The following MYRIP variants were observed in gnomAD, a reference collection of about 807,000 sequenced individuals.
The protein encoded by MYRIP is rab effector MyRIP.
Under a neutral mutation model 98.0 loss-of-function variants are expected in MYRIP, and 49 were observed. That is an observed-to-expected ratio of 0.50 (90% CI 0.40 to 0.63). The LOEUF is 0.63. Among genes scored for constraint, MYRIP ranks in the 30% least tolerant of loss-of-function variants. The pLI, the probability that MYRIP is intolerant of heterozygous loss-of-function variation, is 0.00. For missense variants in MYRIP, 1,004 were observed against 1,058.2 expected (o/e 0.95, Z 0.71); for synonymous variants, 404 against 409.5 (o/e 0.99, Z 0.16).
At chr3:40,050,238 C>A (rs1458833684) in intron 3 of MYRIP, among the ~76,000 whole-genome samples, 1 of 152,156 alleles carries the variant, frequency 6.6e-6, no homozygotes, top group Non-Finnish European at 1.5e-5. Flanking sequence ...CAATACCTGG[C>A]TTCAAAGAAC....
chr3:39,928,408 C>T (rs1944465566), intron 2 of MYRIP, among the ~76,000 whole-genome samples: 1 of 151,590 alleles, frequency 6.6e-6, no homozygotes, highest in Non-Finnish European at 1.5e-5. Flanking sequence ...CAATATACCT[C>T]CTGCATATAG....
intron 1 of MYRIP, among the ~76,000 whole-genome samples, chr3:39,899,198 A>T (rs1943686562): frequency 6.6e-6 from 1 of 152,196 alleles, no homozygotes; most frequent in Non-Finnish European, 1.5e-5. Flanking sequence ...ATCTAAAAAA[A>T]AATAATACTT....
At chr3:40,206,362 A>G (rs950202181) in intron 10 of MYRIP, among the ~76,000 whole-genome samples, 5 of 152,174 alleles carry the variant, frequency 3.3e-5, no homozygotes, top group African/African-American at 1.2e-4. Flanking sequence ...GCTTTTAATA[A>G]TGGTGCTTCC....
intron 2 of MYRIP, among the ~76,000 whole-genome samples, chr3:39,908,826 G>A (rs1433373606): frequency 6.6e-6 from 1 of 152,230 alleles, no homozygotes; most frequent in African/African-American, 2.4e-5. Flanking sequence ...GAAGCTGGAA[G>A]ACAGATCACC....
chr3:40,077,032 C>T (rs1015489911), intron 3 of MYRIP, among the ~76,000 whole-genome samples: 4 of 152,034 alleles, frequency 2.6e-5, no homozygotes, highest in Admixed American at 2.6e-4. Context: ...AAGCCGTGGA[C>T]CCTTGCGGTG....
rs1953670489 is a variant in MYRIP, at chr3:40,258,459, GTT to G, written c.*295_*296del. ...CATGTTTAAGATACATATTTTCCCTGTTTGCTTTGCTACTGTATGTTGACTTT... is the reference window on the plus strand; with the variant it reads ...CATGTTTAAGATACATATTTTCCCTGTGCTTTGCTACTGTATGTTGACTTT... On this transcript the variant is annotated 3_prime_UTR_variant, in exon 17 of 17. Coordinates refer to ENST00000302541, the MANE Select transcript of MYRIP (RefSeq NM_015460.4). 3 of 380,720 alleles carry G rather than the reference GTT, an allele frequency of 7.9e-6. No homozygotes were observed. Among genetic ancestry groups the G allele is most frequent in the Non-Finnish European group, 9.6e-6 (2 of 209,058 alleles). 23.6% of individuals were successfully genotyped at this position (380,720 alleles called of 1,614,324 possible).
chr3:40,124,369 T>C (rs1949475211), intron 3 of MYRIP, among the ~76,000 whole-genome samples: 1 of 152,216 alleles, frequency 6.6e-6, no homozygotes, highest in Admixed American at 6.5e-5. Context: ...TGTTAGGATC[T>C]TTTCATCTTT....
chr3:40,185,082 T>A (rs1486733830), intron 9 of MYRIP, among the ~76,000 whole-genome samples: 1 of 152,160 alleles, frequency 6.6e-6, no homozygotes, highest in African/African-American at 2.4e-5. Flanking sequence ...GGCAGAAACA[T>A]CAAATAGAAG....
intron 2 of MYRIP, among the ~76,000 whole-genome samples, chr3:40,001,616 T>C (rs1256812069): frequency 1.3e-5 from 2 of 152,288 alleles, no homozygotes; most frequent in African/African-American, 2.4e-5. Flanking sequence ...TCAAAGCACC[T>C]CTGAGTGTTA....
At chr3:40,213,932 T>G (rs1485907952) in intron 11 of MYRIP, among the ~76,000 whole-genome samples, 1 of 152,182 alleles carries the variant, frequency 6.6e-6, no homozygotes, top group Non-Finnish European at 1.5e-5. Flanking sequence ...GCTTGAGCCA[T>G]GCACTGACTG....
In MYRIP at chr3:40,115,502, C is replaced by A. The variant is rs548503664; in HGVS notation, c.333-35546C>A. On this transcript the variant is annotated intron_variant, in intron 3 of 16. Transcript: ENST00000302541. ...GAGAACTCACTCACTATCACAAGAACAGCATGCAGGAAACCACTCCCATGA... is the reference window on the plus strand; with the variant it reads ...GAGAACTCACTCACTATCACAAGAAAAGCATGCAGGAAACCACTCCCATGA... Among the ~76,000 whole-genome samples, 177 of 152,220 alleles carry A rather than the reference C, an allele frequency of 1.2e-3. 2 individuals are homozygous for A. The South Asian group carries it at 0.034, about 30-fold the overall frequency.
intron 2 of MYRIP, among the ~76,000 whole-genome samples, chr3:39,975,256 GACAA>G (rs1205228143): frequency 1.3e-5 from 2 of 152,068 alleles, no homozygotes; most frequent in East Asian, 1.9e-4. Flanking sequence ...ACCAATAACA[GACAA>G]ACAGAGAGCC....
At chr3:39,939,271 CT>C (rs1451913584) in intron 2 of MYRIP, among the ~76,000 whole-genome samples, 1 of 152,108 alleles carries the variant, frequency 6.6e-6, no homozygotes, top group East Asian at 1.9e-4. Flanking sequence ...CATGAAACAG[CT>C]CAAGAAAGAG....
chr3:40,173,394 T>C (rs1458316326), intron 8 of MYRIP: 1 of 152,218 alleles, frequency 6.6e-6, no homozygotes, highest in Non-Finnish European at 1.5e-5. Flanking sequence ...CTGGATCTCC[T>C]TGTCATGCAT....
chr3:40,212,225 TAC>T lies in MYRIP; in HGVS notation c.1905+2152_1905+2153del, dbSNP rs766775104. 8.1e-3 allele frequency among the ~76,000 whole-genome samples: 625 copies of T among 76,896 alleles called. 129 individuals carry two copies. Among genetic ancestry groups the T allele is most frequent in the African/African-American group, 0.015 (403 of 26,564 alleles). 50.4% of individuals were successfully genotyped at this position (76,896 alleles called of 152,430 possible). ...ATATACGTGTGTGTATATATATATA[TAC>T]ACACACACACACACACACATATATA... On this transcript the variant is annotated intron_variant, in intron 11 of 16. Coordinates refer to ENST00000302541, the MANE Select transcript of MYRIP (RefSeq NM_015460.4).
At chr3:40,046,471 A>G (rs1161047491) in intron 3 of MYRIP, among the ~76,000 whole-genome samples, 1 of 151,138 alleles carries the variant, frequency 6.6e-6, no homozygotes, top group East Asian at 1.9e-4. Context: ...TAGCAGCCAG[A>G]TGCATAGTAC....
chr3:39,888,660 A>G (rs1287122267), intron 1 of MYRIP, among the ~76,000 whole-genome samples: 1 of 152,244 alleles, frequency 6.6e-6, no homozygotes, highest in Non-Finnish European at 1.5e-5. Flanking sequence ...AATGGCAACA[A>G]AAGCCAAAAT....
chr3:40,104,388 T>C (rs975182897), intron 3 of MYRIP, among the ~76,000 whole-genome samples: 1 of 152,178 alleles, frequency 6.6e-6, no homozygotes, highest in African/African-American at 2.4e-5. Context: ...TGAACAAAAG[T>C]AGAATTCTTA....
At chr3:40,225,962 G>C (rs1952477015) in intron 11 of MYRIP, among the ~76,000 whole-genome samples, 2 of 152,122 alleles carry the variant, frequency 1.3e-5, no homozygotes, top group African/African-American at 4.8e-5. Flanking sequence ...GATGTCCACT[G>C]TCCCTAATAG....
Sources: gnomAD v4.1 joint callset for allele counts (sites outside exome capture counted in the v4.1 genomes callset) on GRCh38, gnomAD v4.1.1 for gene constraint, MANE v1.5 for transcripts, NCBI Gene and HGNC (gene_info 2026-07-23, HGNC 2026-07-21) for gene names.